The following SNX13 variants were observed in gnomAD, a reference collection of about 807,000 sequenced individuals.
SNX13 encodes sorting nexin 13, also known as sorting nexin-13.
SNX13 carries 45 observed loss-of-function variants against 133.6 expected under a neutral mutation model. The observed-to-expected ratio is 0.34, with a 90% CI of 0.27 to 0.43. SNX13 has a LOEUF of 0.43. Ranked by LOEUF, SNX13 falls within the 20% of genes least tolerant of loss-of-function variation. SNX13 has a pLI of 1.00. For synonymous variants in SNX13, 414 were observed against 373.9 expected, an observed-to-expected ratio of 1.11 and a Z score of -1.24; for missense variants, 1,032 against 1,145.1, an observed-to-expected ratio of 0.90 and a Z score of 1.43.
intron 20 of SNX13, among the ~76,000 whole-genome samples, chr7:17,808,207 T>C (rs934842142): frequency 1.3e-5 from 2 of 151,962 alleles, no homozygotes; most frequent in East Asian, 3.9e-4. Flanking sequence ...ACTAAGAACC[T>C]TGAAAAACAG....
intron 9 of SNX13, among the ~76,000 whole-genome samples, chr7:17,851,919 A>C (rs971272090): frequency 2.0e-5 from 3 of 152,146 alleles, no homozygotes; most frequent in Non-Finnish European, 4.4e-5. Flanking sequence ...ATGAACATGG[A>C]TGGGAATAAT....
intron 18 of SNX13, among the ~76,000 whole-genome samples, chr7:17,817,284 A>C (rs1786770934): frequency 6.6e-6 from 1 of 152,240 alleles, no homozygotes; most frequent in Admixed American, 6.5e-5. Context: ...AAAATAGTTT[A>C]AGAGCAAAGT....
At chr7:17,875,408 AT>A in intron 7 of SNX13, 71 bp downstream of exon 7, 2 of 1,256,510 alleles carry the variant, frequency 1.6e-6, no homozygotes, top group Non-Finnish European at 2.2e-6. Flanking sequence ...TTACCCTTAG[AT>A]TTTTTCACTG....
intron 3 of SNX13, among the ~76,000 whole-genome samples, chr7:17,892,503 A>C (rs956993818): frequency 4.8e-5 from 7 of 147,158 alleles, no homozygotes; most frequent in African/African-American, 1.7e-4. Flanking sequence ...CTTATAAGTA[A>C]AAAAAAAAAA....
chr7:17,864,886 G>A lies in SNX13; in HGVS notation c.837+3521C>T, dbSNP rs189217553. 7.9e-4 allele frequency among the ~76,000 whole-genome samples: 121 copies of A among 152,210 alleles called. 1 individual carries two copies. Among genetic ancestry groups the A allele is most frequent in the Non-Finnish European group, 1.3e-3 (87 of 68,020 alleles). On this transcript the variant is annotated intron_variant, in intron 9 of 25. Coordinates refer to ENST00000428135, the MANE Select transcript of SNX13 (RefSeq NM_015132.5). ...AAATAACACAAAGGAGCTCTGATAC[G>A]TCTGGCAGCACACATCTGAGCAGAA...
intron 1 of SNX13, among the ~76,000 whole-genome samples, chr7:17,936,908 T>A (rs974958814): frequency 6.6e-6 from 1 of 150,574 alleles, no homozygotes; most frequent in Non-Finnish European, 1.5e-5. Context: ...ATGTACACTA[T>A]GACAAATTTT....
chr7:17,816,341 C>A (rs1207316544), intron 18 of SNX13, 52 bp from the exon 19 acceptor site: 11 of 1,500,002 alleles, frequency 7.3e-6, no homozygotes, highest in Non-Finnish European at 9.8e-6. Context: ...AAAAGGTTTT[C>A]CCAAGTGATT....
chr7:17,815,467 C>A (rs898046335), intron 19 of SNX13, among the ~76,000 whole-genome samples: 1 of 152,118 alleles, frequency 6.6e-6, no homozygotes, highest in African/African-American at 2.4e-5. Context: ...CACCTGTAGT[C>A]CTAGCTACTC....
At chr7:17,869,122 T>C (rs1793746214) in intron 8 of SNX13, among the ~76,000 whole-genome samples, 1 of 152,108 alleles carries the variant, frequency 6.6e-6, no homozygotes, top group Non-Finnish European at 1.5e-5. Context: ...TCAATTACCC[T>C]ATTAAATAAA....
intron 13 of SNX13, among the ~76,000 whole-genome samples, 165 bp from the exon 14 acceptor site, chr7:17,835,030 A>G (rs1360956029): frequency 6.6e-6 from 1 of 151,854 alleles, no homozygotes; most frequent in African/African-American, 2.4e-5. Context: ...ACAGGACTAA[A>G]CCCTTCTCTT....
At position 17,814,949 on chromosome 7, in the gene SNX13, C is replaced by CAAT; in HGVS notation, c.1954-6_1954-5insATT. ...CATTTCAGGAGCTAACAGTAACTAACAAGAAAAAAAAAAAAAAGAAGAGAT... is the reference window on the plus strand; with the variant it reads ...CATTTCAGGAGCTAACAGTAACTAACAATAAGAAAAAAAAAAAAAAGAAGAGAT... On this transcript the variant is annotated splice_polypyrimidine_tract_variant and splice_region_variant and intron_variant, in intron 19 of 25. Coordinates refer to ENST00000428135, the MANE Select transcript of SNX13 (RefSeq NM_015132.5). 5.6e-6 allele frequency: 7 copies of CAAT among 1,240,630 alleles called. No homozygotes were observed. Among genetic ancestry groups the CAAT allele is most frequent in the Admixed American group, 1.3e-4 (2 of 15,860 alleles). The allele number at this position is 1,240,630 out of a possible 1,614,324, so 76.9% of individuals were successfully genotyped here.
intron 5 of SNX13, among the ~76,000 whole-genome samples, chr7:17,886,319 C>G: frequency 6.6e-6 from 1 of 152,132 alleles, no homozygotes; most frequent in South Asian, 2.1e-4. Flanking sequence ...CCTGTAATCC[C>G]AGCACTTTGG....
chr7:17,915,342 A>G (rs1799427264), intron 1 of SNX13, among the ~76,000 whole-genome samples: 1 of 152,164 alleles, frequency 6.6e-6, no homozygotes, highest in African/African-American at 2.4e-5. Flanking sequence ...AGGTCACCAG[A>G]CTTGCTGAGC....
At chr7:17,835,224 A>T (rs140721795) in intron 13 of SNX13, among the ~76,000 whole-genome samples, 1 of 151,910 alleles carries the variant, frequency 6.6e-6, no homozygotes, top group Admixed American at 6.6e-5. Flanking sequence ...TATATACCAT[A>T]GTGTCTGGCA....
intron 5 of SNX13, chr7:17,888,681 T>C (rs1796282188): frequency 4.2e-6 from 2 of 470,686 alleles, no homozygotes; most frequent in Non-Finnish European, 8.8e-6. Flanking sequence ...TTCACTCCAC[T>C]GAGCAGGGAC....
intron 13 of SNX13, among the ~76,000 whole-genome samples, chr7:17,838,407 T>C (rs915385503): frequency 3.3e-5 from 5 of 152,086 alleles, no homozygotes; most frequent in Admixed American, 6.6e-5. Context: ...TTTGACAATA[T>C]TGTTGATATT....
intron 15 of SNX13, chr7:17,831,245 T>C: frequency 5.1e-6 from 5 of 983,470 alleles, no homozygotes; most frequent in Non-Finnish European, 6.0e-6. Context: ...ATTGGATGAC[T>C]ACCTACAAAT....
chr7:17,828,086 A>G (rs936237342), intron 16 of SNX13, among the ~76,000 whole-genome samples: 7 of 151,808 alleles, frequency 4.6e-5, no homozygotes, highest in South Asian at 2.1e-4. Context: ...AAGTTGTTAA[A>G]AAGGCTTTGT....
chr7:17,902,883 T>C (rs571394627), intron 1 of SNX13, among the ~76,000 whole-genome samples: 57 of 152,240 alleles, frequency 3.7e-4, no homozygotes, highest in African/African-American at 1.2e-3. Context: ...GTGAAACCTA[T>C]TGTGAACTGT....
Sources: allele counts gnomAD v4.1 joint callset (sites outside exome capture counted in the v4.1 genomes callset), GRCh38; gene constraint gnomAD v4.1.1; transcripts MANE v1.5; gene names NCBI Gene and HGNC (gene_info 2026-07-23, HGNC 2026-07-21).